ALK: variants seen among roughly 807,000 people sequenced by gnomAD.
The protein encoded by ALK is ALK tyrosine kinase receptor.
Under a neutral mutation model 163.1 loss-of-function variants are expected in ALK, and 74 were observed. That is an observed-to-expected ratio of 0.45 (90% CI 0.38 to 0.55). ALK has a LOEUF of 0.55. ALK is among the 20% of genes least tolerant of loss of function. ALK has a pLI of 0.00. For synonymous variants in ALK, 960 were observed against 843.2 expected (o/e 1.14, Z -2.40); for missense variants, 2,063 against 2,105.3 (o/e 0.98, Z 0.39).
At chr2:29,383,925 G>T in intron 4 of ALK, 66 bp from the exon 5 acceptor site, 1 of 1,601,480 alleles carries the variant, frequency 6.2e-7, no homozygotes, top group Non-Finnish European at 8.5e-7. Flanking sequence ...GGCCTAACAT[G>T]TGGACAGGGT....
At chr2:29,445,814 C>T (rs906864214) in intron 4 of ALK, among the ~76,000 whole-genome samples, 3 of 151,146 alleles carry the variant, frequency 2.0e-5, no homozygotes, top group East Asian at 3.9e-4. Flanking sequence ...AAGAGTGAAG[C>T]GCTGGCCGGG....
intron 3 of ALK, among the ~76,000 whole-genome samples, chr2:29,609,344 C>G (rs1573496292): frequency 6.6e-6 from 1 of 152,092 alleles, no homozygotes; most frequent in South Asian, 2.1e-4. Flanking sequence ...GCCTGCCCTT[C>G]CATGCTGAGA....
intron 23 of ALK, among the ~76,000 whole-genome samples, chr2:29,219,871 A>G (rs981315811): frequency 2.0e-5 from 3 of 152,216 alleles, no homozygotes; most frequent in Non-Finnish European, 2.9e-5. Context: ...TCTGTTAACC[A>G]TAAGATGTGT....
At chr2:29,607,023 T>C (rs1170114213) in intron 3 of ALK, among the ~76,000 whole-genome samples, 1 of 152,262 alleles carries the variant, frequency 6.6e-6, no homozygotes, top group Non-Finnish European at 1.5e-5. Context: ...TCACCTGACC[T>C]ATCAGCATTC....
intron 1 of ALK, among the ~76,000 whole-genome samples, chr2:29,888,069 A>G (rs997457082): frequency 2.0e-5 from 3 of 152,132 alleles, no homozygotes; most frequent in African/African-American, 4.8e-5. Context: ...AGGAGGACTC[A>G]CTGGTGGTTT....
intron 3 of ALK, among the ~76,000 whole-genome samples, chr2:29,659,458 G>A (rs1314826613): frequency 1.3e-5 from 2 of 152,004 alleles, no homozygotes; most frequent in Admixed American, 6.6e-5. Context: ...TGACAGCACT[G>A]TCCAGGTTCT....
At chr2:29,194,106 A>G (rs1668963549) in intron 28 of ALK, among the ~76,000 whole-genome samples, 184 bp from the exon 29 acceptor site, 1 of 152,152 alleles carries the variant, frequency 6.6e-6, no homozygotes. Flanking sequence ...CTTATCCTCA[A>G]AGACCTTAGA....
chr2:29,621,971 G>A (rs372797718), intron 3 of ALK, among the ~76,000 whole-genome samples: 2 of 152,078 alleles, frequency 1.3e-5, no homozygotes, highest in African/African-American at 4.8e-5. Flanking sequence ...GTGGGTGGGA[G>A]ACTTTGAAGA....
intron 3 of ALK, among the ~76,000 whole-genome samples, chr2:29,666,809 T>C (rs565945956): frequency 6.6e-6 from 1 of 152,106 alleles, no homozygotes; most frequent in Non-Finnish European, 1.5e-5. Flanking sequence ...ATATAGTTTC[T>C]ATATATGTAT....
At chr2:29,830,440 A>G (rs1343635595) in intron 1 of ALK, among the ~76,000 whole-genome samples, 1 of 152,116 alleles carries the variant, frequency 6.6e-6, no homozygotes, top group Non-Finnish European at 1.5e-5. Flanking sequence ...GTAGATATGG[A>G]GCTTTCAAAA....
intron 3 of ALK, among the ~76,000 whole-genome samples, chr2:29,596,250 A>G (rs1012266177): frequency 5.9e-5 from 9 of 152,144 alleles, no homozygotes; most frequent in Admixed American, 2.0e-4. Flanking sequence ...GGTCCTGCAC[A>G]CTTCTCCCTA....
chr2:29,213,885 A>G (rs1669528629), intron 24 of ALK, 99 bp downstream of exon 24: 13 of 1,020,602 alleles, frequency 1.3e-5, no homozygotes, highest in Non-Finnish European at 9.3e-6. Flanking sequence ...GAGACCTAGT[A>G]TTCTGCTCTG....
At chr2:29,217,629 T>C (rs896175468) in intron 23 of ALK, among the ~76,000 whole-genome samples, 1 of 152,152 alleles carries the variant, frequency 6.6e-6, no homozygotes, top group Admixed American at 6.5e-5. Context: ...TTTTATCCCA[T>C]CTCAAAGGGT....
chr2:29,749,193 G>T (rs1013171653), intron 1 of ALK, among the ~76,000 whole-genome samples: 3 of 152,110 alleles, frequency 2.0e-5, no homozygotes, highest in African/African-American at 7.2e-5. Context: ...CAGTCCCCAG[G>T]GTTTCTGATT....
At chr2:29,785,228 A>G (rs1663977006) in intron 1 of ALK, among the ~76,000 whole-genome samples, 1 of 152,028 alleles carries the variant, frequency 6.6e-6, no homozygotes, top group Admixed American at 6.6e-5. Context: ...GTTAGACACA[A>G]GCAGAGGACA....
intron 4 of ALK, among the ~76,000 whole-genome samples, chr2:29,475,167 G>A (rs1671480558): frequency 6.6e-6 from 1 of 152,186 alleles, no homozygotes. Flanking sequence ...GAAAGGCCAA[G>A]CAAGGCAGTG....
intron 4 of ALK, among the ~76,000 whole-genome samples, chr2:29,525,927 A>C (rs943597007): frequency 1.3e-5 from 2 of 152,164 alleles, no homozygotes; most frequent in Non-Finnish European, 2.9e-5. Context: ...TAAGAGGACT[A>C]GCATTTTAGT....
rs373885934 is a variant in ALK, at chr2:29,817,004, A to C, written c.668-99307T>G. ...TGTTTTAAGTGCTTTGTGCGTATGA[A>C]CTCATTACATCCTCACAACAACCCT... On this transcript the variant is annotated intron_variant, in intron 1 of 28. Transcript: ENST00000389048. Among the ~76,000 whole-genome samples the C allele has an allele frequency of 1.0e-3, 159 of 152,166 alleles. 1 individual carries two copies. The highest frequency in any genetic ancestry group is 3.8e-3 in the African/African-American group (156 of 41,516).
chr2:29,324,229 T>C (rs1209497183), intron 6 of ALK, among the ~76,000 whole-genome samples: 4 of 152,262 alleles, frequency 2.6e-5, no homozygotes, highest in Non-Finnish European at 5.9e-5. Flanking sequence ...GGTACAGTCA[T>C]GGAGCTGTGA....
Sources: allele counts gnomAD v4.1 joint callset (sites outside exome capture counted in the v4.1 genomes callset), GRCh38; gene constraint gnomAD v4.1.1; transcripts MANE v1.5; gene names NCBI Gene and HGNC (gene_info 2026-07-23, HGNC 2026-07-21).